DNAI4: variants seen among roughly 807,000 people sequenced by gnomAD.
The protein encoded by DNAI4 is WD repeat domain 78.
Under a neutral mutation model 105.8 loss-of-function variants are expected in DNAI4, and 85 were observed. That is an observed-to-expected ratio of 0.80 (90% CI 0.67 to 0.96). The LOEUF is 0.96. DNAI4 is among the 40% of genes least tolerant of loss of function. The pLI is 0.00. For missense variants in DNAI4, 1,014 were observed against 1,005.6 expected (o/e 1.01, Z -0.11); for synonymous variants, 352 against 331.5 (o/e 1.06, Z -0.67).
rs996183798 is a variant in DNAI4, at chr1:66,840,810, G to C, written c.1292-139C>G. 1.8e-5 allele frequency: 16 copies of C among 874,800 alleles called. No homozygotes were observed. In the African/African-American group the frequency reaches 2.7e-4, roughly 15 times the overall value. 54.2% of individuals were successfully genotyped at this position (874,800 alleles called of 1,614,324 possible). ...TGGATCATATGGTGCAAGTGGCAGGGCACCATGAAGGGCAGCCTGGACCTG... is the reference window on the plus strand; with the variant it reads ...TGGATCATATGGTGCAAGTGGCAGGCCACCATGAAGGGCAGCCTGGACCTG... On this transcript the variant is annotated intron_variant, in intron 8 of 16. Coordinates refer to ENST00000371026, the MANE Select transcript of DNAI4 (RefSeq NM_024763.5).
At chr1:66,874,252 C>T (rs12239074) in intron 5 of DNAI4, among the ~76,000 whole-genome samples, 20,259 of 151,898 alleles carry the variant, frequency 0.13, 1,434 homozygotes, top group Middle Eastern at 0.21. Context: ...TGTCAAAATA[C>T]TTGAGACCAA....
At chr1:66,904,451 T>C (rs1299812221) in intron 2 of DNAI4, among the ~76,000 whole-genome samples, 1 of 152,198 alleles carries the variant, frequency 6.6e-6, no homozygotes, top group African/African-American at 2.4e-5. Flanking sequence ...TGATCATCTT[T>C]TCATGTGCTC....
At chr1:66,922,507 T>A (rs1650567746) in intron 1 of DNAI4, among the ~76,000 whole-genome samples, 1 of 151,940 alleles carries the variant, frequency 6.6e-6, no homozygotes, top group Non-Finnish European at 1.5e-5. Context: ...CTGTAAAGAG[T>A]TTTACTGAGT....
intron 11 of DNAI4, 35 bp downstream of exon 11, chr1:66,835,591 T>C: frequency 6.3e-7 from 1 of 1,593,702 alleles, no homozygotes; most frequent in South Asian, 1.1e-5. Flanking sequence ...TGAAAAAGCA[T>C]GTATTATACA....
chr1:66,843,948 A>G lies in DNAI4; in HGVS notation c.1292-3277T>C, dbSNP rs141363202. ...AAATATTAAATACCTATATTAGACA[A>G]GAAAAAAATGTGAAATCAATGATCC... On this transcript the variant is annotated intron_variant, in intron 8 of 16. Transcript: ENST00000371026. 2.7e-3 allele frequency among the ~76,000 whole-genome samples: 416 copies of G among 152,154 alleles called. 1 individual carries two copies. Among genetic ancestry groups the G allele is most frequent in the African/African-American group, 9.5e-3 (395 of 41,548 alleles).
intron 1 of DNAI4, among the ~76,000 whole-genome samples, chr1:66,922,035 C>G (rs1046174019): frequency 5.3e-5 from 8 of 151,866 alleles, no homozygotes; most frequent in African/African-American, 1.7e-4. Context: ...GTAGCTAGGA[C>G]TACAGGCACA....
At chr1:66,910,367 T>C (rs1324505723) in intron 1 of DNAI4, among the ~76,000 whole-genome samples, 1 of 152,254 alleles carries the variant, frequency 6.6e-6, no homozygotes, top group East Asian at 1.9e-4. Flanking sequence ...AGGCCTCTGA[T>C]TTCATCTTTC....
At chr1:66,886,865 G>A (rs1376864907) in intron 4 of DNAI4, among the ~76,000 whole-genome samples, 1 of 152,118 alleles carries the variant, frequency 6.6e-6, no homozygotes, top group Admixed American at 6.6e-5. Context: ...AAGAAATAAA[G>A]GCTGGTGCTA....
At chr1:66,844,084 CAAAAAA>C (rs55925419) in intron 8 of DNAI4, among the ~76,000 whole-genome samples, 16 of 66,358 alleles carry the variant, frequency 2.4e-4, no homozygotes, top group African/African-American at 7.9e-4. Flanking sequence ...ACTGGAGATT[CAAAAAA>C]AAAAAAAAAA....
intron 4 of DNAI4, among the ~76,000 whole-genome samples, chr1:66,888,292 A>G (rs1647313017): frequency 1.3e-5 from 2 of 152,108 alleles, no homozygotes; most frequent in Non-Finnish European, 2.9e-5. Flanking sequence ...TGACTTTAAT[A>G]TGCATTCTAG....
intron 1 of DNAI4, among the ~76,000 whole-genome samples, chr1:66,920,974 C>G (rs888539279): frequency 2.0e-5 from 3 of 152,080 alleles, no homozygotes; most frequent in Non-Finnish European, 4.4e-5. Flanking sequence ...GTTCAGCTTT[C>G]AACAAAAAAT....
At position 66,905,353 on chromosome 1, in the gene DNAI4, T is replaced by C. The variant is rs1649163148; in HGVS notation, c.193A>G (p.Lys65Glu). 2 of 1,493,452 alleles carry C rather than the reference T, an allele frequency of 1.3e-6. No individual in the cohort carries two copies. The highest frequency in any genetic ancestry group is 3.7e-5 in the Admixed American group (2 of 53,456). The allele number at this position is 1,493,452 out of a possible 1,614,324, so 92.5% of individuals were successfully genotyped here. A position where few individuals can be genotyped will look rare whatever the true frequency, so the allele number is the denominator to read the frequency against. Residue 65 changes from lysine to glutamate, a missense_variant, in exon 2 of 17, where the codon AAG becomes GAG. Physicochemically the swap from Lys to Glu is moderately conservative, Grantham distance 56 (BLOSUM62 1). Transcript: ENST00000371026. ...ATTGTAGCAAAAAAGCTAATAGACT[T>C]CTTTGGTTGTGTGGCATTGTTCCTA... ...FGLNNATQPK[K>E]SISFFATMKA...
In DNAI4 at chr1:66,924,768, T is replaced by C. The variant is rs1345951809; in HGVS notation, c.64A>G (p.Arg22Gly). 7 of 1,614,064 alleles carry C rather than the reference T, an allele frequency of 4.3e-6. No individual in the cohort carries two copies. Among genetic ancestry groups the C allele is most frequent in the African/African-American group, 1.3e-5 (1 of 74,942 alleles). ...RAANGGAWGY[R>G]DFRGGQKKGW... Reference sequence around the variant, plus strand: ...TTTTTTTGGCCGCCTCTGAAGTCCCTGTACCCCCAAGCTCCTCCGTTAGCG... The same window carrying C: ...TTTTTTTGGCCGCCTCTGAAGTCCCCGTACCCCCAAGCTCCTCCGTTAGCG... Residue 22 changes from arginine (R) to glycine (G), a missense_variant, in exon 1 of 17, where the codon AGG (arginine) becomes GGG (glycine). Coordinates refer to ENST00000371026, the MANE Select transcript of DNAI4 (RefSeq NM_024763.5).
intron 5 of DNAI4, among the ~76,000 whole-genome samples, chr1:66,872,520 G>A (rs966641513): frequency 2.8e-4 from 43 of 151,686 alleles, no homozygotes; most frequent in Admixed American, 2.0e-3. Flanking sequence ...GTGAGCCACC[G>A]TGCCTGGCCC....
chr1:66,891,177 C>T lies in DNAI4; in HGVS notation c.620G>A (p.Arg207Gln), dbSNP rs752023758. The change falls in exon 4 of 17, where the codon CGG (arginine) becomes CAG (glutamine). Residue 207 changes from arginine to glutamine, a missense_variant. Physicochemically the swap from Arg to Gln is conservative, Grantham distance 43. Transcript: ENST00000371026. ...AEDLEEPSYK[R>Q]ERLTSFTDLQ... ...ACCTGTGAAACTAGTCAATCTTTCC[C>T]GTTTATAGGATGGTTCTTCCAGGTC... 3.7e-6 allele frequency: 6 copies of T among 1,612,992 alleles called. No homozygotes were observed. Among genetic ancestry groups the T allele is most frequent in the African/African-American group, 2.7e-5 (2 of 74,862 alleles).
Position 66,833,717 on chromosome 1 carries a change from A to G in DNAI4, c.1892-11T>C. ...TTAATCGCATCAAATCTGTATTTAA[A>G]GAAAAACATATATAACTTGTTATTT... is the stretch of plus-strand genomic sequence containing the variant. On this transcript the variant is annotated splice_polypyrimidine_tract_variant and intron_variant, in intron 12 of 16. Coordinates refer to ENST00000371026, the MANE Select transcript of DNAI4 (RefSeq NM_024763.5). The G allele has an allele frequency of 6.2e-7, 1 of 1,609,912 alleles. No homozygotes were observed. The highest frequency in any genetic ancestry group is 8.5e-7 in the Non-Finnish European group (1 of 1,178,532).
intron 8 of DNAI4, among the ~76,000 whole-genome samples, chr1:66,845,190 C>CAAAAAAAAAAAAAAAAAAAAAAAAAAAA (rs59265844): frequency 1.9e-4 from 20 of 106,308 alleles, no homozygotes; most frequent in East Asian, 3.7e-4. Context: ...AACTCCATCT[C>CAAAAAAAAAAAAAAAAAAAAAAAAAAAA]AAAAAAAAAA....
chr1:66,842,710 G>A (rs1157790034), intron 8 of DNAI4, among the ~76,000 whole-genome samples: 1 of 151,874 alleles, frequency 6.6e-6, no homozygotes, highest in East Asian at 1.9e-4. Flanking sequence ...AGTATGTTTA[G>A]CTTTATAAGA....
intron 1 of DNAI4, among the ~76,000 whole-genome samples, chr1:66,922,422 T>C (rs1180067270): frequency 2.0e-5 from 3 of 152,084 alleles, no homozygotes; most frequent in Non-Finnish European, 4.4e-5. Context: ...GAATATAGTG[T>C]GTCTGATGTG....
Sources: gnomAD v4.1 joint callset for allele counts (sites outside exome capture counted in the v4.1 genomes callset) on GRCh38, gnomAD v4.1.1 for gene constraint, MANE v1.5 for transcripts, NCBI Gene and HGNC (gene_info 2026-07-23, HGNC 2026-07-21) for gene names.